Variants in FAM120AOS observed in about 807,000 individuals in gnomAD.
FAM120AOS encodes the protein uncharacterized protein FAM120AOS.
A neutral mutation model predicts 20.2 loss-of-function variants in FAM120AOS; 15 were observed. The observed-to-expected ratio is 0.74, with a 90% CI of 0.50 to 1.15. The LOEUF (loss-of-function observed/expected upper bound fraction) is 1.15. Among genes scored for constraint, FAM120AOS ranks in the 50% most tolerant of loss-of-function variants. FAM120AOS has a pLI of 0.00. For missense variants in FAM120AOS, 327 were observed against 351.9 expected (o/e 0.93, Z 0.57); for synonymous variants, 154 against 154.0 (o/e 1.00, Z 0.00).
At chr9:93,450,330 A>G (rs947253149) in intron 2 of FAM120AOS, 149 bp downstream of exon 2, 3 of 1,204,110 alleles carry the variant, frequency 2.5e-6, no homozygotes, top group South Asian at 1.8e-5. Context: ...CTTTGTGACT[A>G]ATTTTATGCA....
rs1232537357 is a variant in FAM120AOS at position 93,453,308 on chromosome 9, C to G, written c.-599G>C. On this transcript the variant is annotated 5_prime_UTR_variant, in exon 1 of 3. Coordinates refer to ENST00000375412, the MANE Select transcript of FAM120AOS (RefSeq NM_198841.4). ...GGCCCTTTGGCAGAGGGCTTCGCAG[C>G]TGGCACTGGGCCAGAGGAGAACTTC... 4 of 986,736 alleles carry G rather than the reference C, an allele frequency of 4.1e-6. No homozygotes were observed. The East Asian group carries it at 3.4e-4, about 84-fold the overall frequency. 61.1% of individuals were successfully genotyped at this position (986,736 alleles called of 1,614,324 possible).
In FAM120AOS at chr9:93,453,219, T is replaced by TCAGTGACCTTCAG. The variant is rs574915906; in HGVS notation, c.-523_-511dup. The TCAGTGACCTTCAG allele has an allele frequency of 4.4e-4, 438 of 1,000,372 alleles. 7 individuals are homozygous for TCAGTGACCTTCAG. In the South Asian group the frequency reaches 0.016, roughly 37 times the overall value. 62.0% of individuals were successfully genotyped at this position (1,000,372 alleles called of 1,614,324 possible). A position where few individuals can be genotyped will look rare whatever the true frequency, so the allele number is the denominator to read the frequency against. ...TATTTTTCGGGTGCACAGTAAGTAT[T>TCAGTGACCTTCAG]CAGTGACCTTCAGCGGTGCCCTGAC... On this transcript the variant is annotated 5_prime_UTR_variant, in exon 1 of 3. Coordinates refer to ENST00000375412, the MANE Select transcript of FAM120AOS (RefSeq NM_198841.4).
intron 1 of FAM120AOS, chr9:93,451,142 G>A (rs1480105770): frequency 1.3e-6 from 2 of 1,550,408 alleles, no homozygotes; most frequent in African/African-American, 2.7e-5. Flanking sequence ...GAAGCCAGGC[G>A]CGGCCGGCCA....
Position 93,452,988 on chromosome 9 carries a change from G to C in FAM120AOS, c.-279C>G. ...CAGTGCCCTGTCCGTGTTCCTCTTA[G>C]TACAGGGTGTTTAGAGAATCTTTCT... On this transcript the variant is annotated 5_prime_UTR_variant, in exon 1 of 3. Coordinates refer to ENST00000375412, the MANE Select transcript of FAM120AOS (RefSeq NM_198841.4). The surrounding 1 kb of genome is among the most constrained non-coding windows in gnomAD (Gnocchi z 7.0). The C allele has an allele frequency of 7.7e-7, 1 of 1,306,068 alleles. No individual in the cohort carries two copies. Among genetic ancestry groups the C allele is most frequent in the Non-Finnish European group, 9.7e-7 (1 of 1,028,280 alleles). 80.9% of individuals were successfully genotyped at this position (1,306,068 alleles called of 1,614,324 possible). A position where few individuals can be genotyped will look rare whatever the true frequency, so the allele number is the denominator to read the frequency against.
chr9:93,450,647 C>T, intron 1 of FAM120AOS, 48 bp from the exon 2 acceptor site: 2 of 1,606,462 alleles, frequency 1.2e-6, no homozygotes, highest in Non-Finnish European at 1.7e-6. Flanking sequence ...AAAAGCGGCA[C>T]TTTAAAACTT....
At position 93,453,467 on chromosome 9, in the gene FAM120AOS, G is replaced by C. The variant is rs986455535; in HGVS notation, c.-758C>G. On this transcript the variant is annotated 5_prime_UTR_variant, in exon 1 of 3. Transcript: ENST00000375412. ...TTTGTTGTCTTAGCTCTTGACACTC[G>C]GTCTTCCATCTTGTCATTTGACATT... 3.0e-6 allele frequency: 3 copies of C among 985,210 alleles called. No homozygotes were observed. The highest frequency in any genetic ancestry group is 3.5e-5 in the African/African-American group (2 of 57,188). The allele number at this position is 985,210 out of a possible 1,614,324, so 61.0% of individuals were successfully genotyped here.
Position 93,450,558 on chromosome 9 carries a change from G to T in FAM120AOS, c.605C>A (p.Ala202Asp). 1 of 1,607,330 alleles carries T rather than the reference G, an allele frequency of 6.2e-7. No individual in the cohort carries two copies. The highest frequency in any genetic ancestry group is 8.5e-7 in the Non-Finnish European group (1 of 1,176,390). ...CCATGTGCTGGGCAGCAGCTGTCCGGCCACAGCCTGTCGGTTGCATCCTGC... is the reference window on the plus strand; with the variant it reads ...CCATGTGCTGGGCAGCAGCTGTCCGTCCACAGCCTGTCGGTTGCATCCTGC... ...RGAGCNRQAV[A>D]GQLLPSTWSL... Residue 202 changes from alanine (A) to aspartate (D), a missense_variant, in exon 2 of 3, where the codon GCC becomes GAC. Physicochemically the swap from Ala to Asp is moderately radical, Grantham distance 126. Transcript: ENST00000375412.
chr9:93,449,169 C>G (rs1408146841), intron 2 of FAM120AOS, among the ~76,000 whole-genome samples: 2 of 150,288 alleles, frequency 1.3e-5, no homozygotes, highest in African/African-American at 4.9e-5. Context: ...AGTACAATAA[C>G]TGGTCTATGT....
At chr9:93,449,990 AT>A (rs1392056082) in intron 2 of FAM120AOS, among the ~76,000 whole-genome samples, 2 of 151,918 alleles carry the variant, frequency 1.3e-5, no homozygotes, top group Admixed American at 1.3e-4. Context: ...TCTTTTATTT[AT>A]TTATTTATTT....
chr9:93,448,055 CCTGCTTAGCTCCAGT>C (rs1422654014), intron 2 of FAM120AOS, among the ~76,000 whole-genome samples: 1 of 152,174 alleles, frequency 6.6e-6, no homozygotes, highest in Non-Finnish European at 1.5e-5. Context: ...TCGCAGACTC[CCTGCTTAGCTCCAGT>C]CTGCTGGTCT....
At chr9:93,451,959 C>G in intron 1 of FAM120AOS, 188 bp downstream of exon 1, 2 of 1,536,050 alleles carry the variant, frequency 1.3e-6, no homozygotes, top group South Asian at 1.2e-5. Flanking sequence ...AAGCACTGCC[C>G]GAGCGCCGTG....
chr9:93,444,276 G>A lies in FAM120AOS; in HGVS notation c.*3335C>T, dbSNP rs1303378359. On this transcript the variant is annotated 3_prime_UTR_variant, in exon 3 of 3. Transcript: ENST00000375412. ...GCTGGTCTTGAACTCCTGACTTCAG[G>A]TGATCCACCCGTCTTGGCCTCCCAA... 1.3e-5 allele frequency among the ~76,000 whole-genome samples: 2 copies of A among 152,044 alleles called. No homozygotes were observed. The highest frequency in any genetic ancestry group is 4.8e-5 in the African/African-American group (2 of 41,376).
intron 2 of FAM120AOS, 112 bp downstream of exon 2, chr9:93,450,367 T>C (rs1286086647): frequency 6.2e-6 from 9 of 1,455,652 alleles, no homozygotes; most frequent in Non-Finnish European, 5.5e-6. Context: ...CTTGTCAGCC[T>C]GCTTTTAAAT....
chr9:93,451,309 C>A (rs1049963215), intron 1 of FAM120AOS: 1 of 1,447,746 alleles, frequency 6.9e-7, no homozygotes, highest in Non-Finnish European at 9.1e-7. Context: ...CCCTCAGGAG[C>A]AGGCGAGCTC....
intron 1 of FAM120AOS, chr9:93,451,738 G>A (rs1345608723): frequency 3.1e-6 from 3 of 983,206 alleles, no homozygotes; most frequent in Non-Finnish European, 2.4e-6. Context: ...CCCCAGACAT[G>A]GCCCTGGGAG....
rs1479602612 is a variant in FAM120AOS, at chr9:93,444,390, G to C, written c.*3221C>G. Among the ~76,000 whole-genome samples the C allele has an allele frequency of 1.3e-5, 2 of 151,956 alleles. No homozygotes were observed. The highest frequency in any genetic ancestry group is 4.8e-5 in the African/African-American group (2 of 41,384). ...ACTGAGAGAGAAAAAGTTTAAAAAA[G>C]GAAAAAAGCAAGGGATTATAGCCAC... On this transcript the variant is annotated 3_prime_UTR_variant, in exon 3 of 3. Coordinates refer to ENST00000375412, the MANE Select transcript of FAM120AOS (RefSeq NM_198841.4).
In FAM120AOS at chr9:93,445,239, GGT is replaced by G. The variant is rs1856807793; in HGVS notation, c.*2370_*2371del. ...CCTTTTCCCTTCCTAAAGGTACTCA[GGT>G]TTCTTTCTCAGAAATTGTATATATT... On this transcript the variant is annotated 3_prime_UTR_variant, in exon 3 of 3. Coordinates refer to ENST00000375412, the MANE Select transcript of FAM120AOS (RefSeq NM_198841.4). 1.3e-5 allele frequency among the ~76,000 whole-genome samples: 2 copies of G among 151,982 alleles called. No homozygotes were observed. Among genetic ancestry groups the G allele is most frequent in the African/African-American group, 4.8e-5 (2 of 41,372 alleles).
rs1213898725 is a variant in FAM120AOS at position 93,452,453 on chromosome 9, A to G, written c.257T>C (p.Leu86Pro). ...RRHGRATFCA[L>P]GRGIGVRRGP... The stretch of plus-strand genomic sequence containing the variant: ...GCGCCGCACCCCTATCCCCCTTCCC[A>G]GGGCGCAGAATGTCGCCCGGCCGTG... Residue 86 changes from leucine (L) to proline (P), a missense_variant, in exon 1 of 3, where the codon CTG (leucine) becomes CCG (proline). Physicochemically the swap from Leu to Pro is moderately conservative, Grantham distance 98. Around this residue, in one of 3 missense-constraint regions of FAM120AOS, gnomAD observed 155 missense variants for 128.8 expected, o/e 1.20. Coordinates refer to ENST00000375412, the MANE Select transcript of FAM120AOS (RefSeq NM_198841.4). This position sits in a 1 kb window ranked among gnomAD's most constrained non-coding sequence, Gnocchi z 7.0. The G allele has an allele frequency of 4.5e-6, 7 of 1,554,038 alleles. No homozygotes were observed. Among genetic ancestry groups the G allele is most frequent in the Non-Finnish European group, 6.1e-6 (7 of 1,152,412 alleles).
intron 2 of FAM120AOS, among the ~76,000 whole-genome samples, chr9:93,450,003 T>G (rs1403903974): frequency 6.6e-6 from 1 of 152,154 alleles, no homozygotes; most frequent in Non-Finnish European, 1.5e-5. Context: ...TATTTATTTT[T>G]GAGACGGAAT....
Sources: gnomAD v4.1 joint callset for allele counts (sites outside exome capture counted in the v4.1 genomes callset) on GRCh38, gnomAD v4.1.1 for gene constraint, gnomAD v4.1.1 regional missense constraint, Gnocchi (gnomAD v3.1) non-coding constraint, MANE v1.5 for transcripts, NCBI Gene and HGNC (gene_info 2026-07-23, HGNC 2026-07-21) for gene names.